The following FZD3 variants were observed in gnomAD, a reference collection of about 807,000 sequenced individuals.
The protein encoded by FZD3 is frizzled-3.
Under a neutral mutation model 60.7 loss-of-function variants are expected in FZD3, and 30 were observed. The observed-to-expected ratio is 0.49, with a 90% CI of 0.37 to 0.67. The LOEUF (loss-of-function observed/expected upper bound fraction) is 0.67, where lower values mean the gene tolerates loss of function less well. Among genes scored for constraint, FZD3 ranks in the 30% least tolerant of loss-of-function variants. FZD3 has a pLI of 0.00. For missense variants in FZD3, 605 were observed against 838.7 expected, an observed-to-expected ratio of 0.72 and a Z score of 3.44; for synonymous variants, 246 against 275.2, an observed-to-expected ratio of 0.89 and a Z score of 1.05.
At chr8:28,559,171 G>A (rs1400039395) in intron 7 of FZD3, among the ~76,000 whole-genome samples, 3 of 152,316 alleles carry the variant, frequency 2.0e-5, no homozygotes, top group East Asian at 3.9e-4. Context: ...CATCTGAATA[G>A]AGCTGTAGCT....
At chr8:28,519,795 T>C (rs1001316106) in intron 3 of FZD3, among the ~76,000 whole-genome samples, 6 of 151,182 alleles carry the variant, frequency 4.0e-5, no homozygotes, top group African/African-American at 1.5e-4. Context: ...CCGCCCTCAA[T>C]GCCTAAATTA....
chr8:28,533,960 T>TA (rs5890423), intron 5 of FZD3, among the ~76,000 whole-genome samples: 80,759 of 151,942 alleles, frequency 0.53, 21,996 homozygotes, highest in South Asian at 0.63. Flanking sequence ...TCAAAAAAGA[T>TA]AAAGTACTAT....
intron 1 of FZD3, among the ~76,000 whole-genome samples, chr8:28,498,619 C>T (rs1803908499): frequency 6.6e-6 from 1 of 152,172 alleles, no homozygotes; most frequent in African/African-American, 2.4e-5. Context: ...CACTCTGTCA[C>T]CCAGGCTGGA....
Position 28,571,603 on chromosome 8 carries a change from C to G in FZD3, c.*8592C>G, listed in dbSNP as rs894366597. On this transcript the variant is annotated 3_prime_UTR_variant, in exon 8 of 8. Transcript: ENST00000240093. Reference sequence around the variant, plus strand: ...ATAATATTTAACTTCCCTAGAATCACCCCATTTCATGTCTTTAACCCCAAC... The same window carrying G: ...ATAATATTTAACTTCCCTAGAATCAGCCCATTTCATGTCTTTAACCCCAAC... 7.9e-5 allele frequency: 12 copies of G among 152,160 alleles called. No individual in the cohort carries two copies. The highest frequency in any genetic ancestry group is 1.6e-4 in the Non-Finnish European group (11 of 68,022). The allele number at this position is 152,160 out of a possible 1,614,324, so 9.4% of individuals were successfully genotyped here. A position where few individuals can be genotyped will look rare whatever the true frequency, so the allele number is the denominator to read the frequency against.
rs191814761 is a variant in FZD3 at position 28,572,059 on chromosome 8, T to A, written c.*9048T>A. 9.8e-5 allele frequency: 15 copies of A among 152,292 alleles called. No homozygotes were observed. The highest frequency in any genetic ancestry group is 1.8e-4 in the Non-Finnish European group (12 of 68,010). 9.4% of individuals were successfully genotyped at this position (152,292 alleles called of 1,614,324 possible). On this transcript the variant is annotated 3_prime_UTR_variant, in exon 8 of 8. Transcript: ENST00000240093. The stretch of plus-strand genomic sequence containing the variant: ...TGTGAGGTGTTTTTTGAGGCTTTTT[T>A]GTTTTATCTTGTTTTCTTAACTTTT...
At position 28,570,050 on chromosome 8, in the gene FZD3, CATAA is replaced by C. The variant is rs1464738409; in HGVS notation, c.*7043_*7046del. The C allele has an allele frequency of 1.3e-5, 2 of 152,212 alleles. No homozygotes were observed. The highest frequency in any genetic ancestry group is 2.9e-5 in the Non-Finnish European group (2 of 68,034). The allele number at this position is 152,212 out of a possible 1,614,324, so 9.4% of individuals were successfully genotyped here. On this transcript the variant is annotated 3_prime_UTR_variant, in exon 8 of 8. Coordinates refer to ENST00000240093, the MANE Select transcript of FZD3 (RefSeq NM_017412.4). ...TTAAACTGCATTCTTAGGTTTATTA[CATAA>C]ATATAGTTGCCAGATTGCCATGGGC...
intron 4 of FZD3, among the ~76,000 whole-genome samples, chr8:28,522,534 A>G (rs1423655978): frequency 2.0e-5 from 3 of 152,120 alleles, no homozygotes. Flanking sequence ...GAAGTCTGTA[A>G]ATTGGTATAA....
At chr8:28,559,284 A>G (rs1805571987) in intron 7 of FZD3, among the ~76,000 whole-genome samples, 2 of 152,206 alleles carry the variant, frequency 1.3e-5, no homozygotes, top group African/African-American at 4.8e-5. Context: ...CAGGCCAAAA[A>G]CAAGACCTTG....
At position 28,573,505 on chromosome 8, in the gene FZD3, T is replaced by G. The variant is rs1419075835; in HGVS notation, c.*10494T>G. 1 of 151,674 alleles carries G rather than the reference T, an allele frequency of 6.6e-6. No individual in the cohort carries two copies. Among genetic ancestry groups the G allele is most frequent in the Non-Finnish European group, 1.5e-5 (1 of 67,932 alleles). 9.4% of individuals were successfully genotyped at this position (151,674 alleles called of 1,614,324 possible). ...AACTACTGTATATTTTCAATGACCT[T>G]GAGAAAGGGAGCTAGTCATTTGTAT... On this transcript the variant is annotated 3_prime_UTR_variant, in exon 8 of 8. Coordinates refer to ENST00000240093, the MANE Select transcript of FZD3 (RefSeq NM_017412.4).
intron 3 of FZD3, among the ~76,000 whole-genome samples, chr8:28,517,009 T>C (rs1235035193): frequency 2.0e-5 from 3 of 152,230 alleles, no homozygotes; most frequent in African/African-American, 7.2e-5. Flanking sequence ...ATTATTTTTG[T>C]TGGCACAGAG....
chr8:28,532,054 A>T (rs1310187217), intron 5 of FZD3, among the ~76,000 whole-genome samples: 2 of 152,182 alleles, frequency 1.3e-5, no homozygotes, highest in Non-Finnish European at 2.9e-5. Flanking sequence ...ATTTTTCCAT[A>T]TGGATAAGAC....
intron 3 of FZD3, among the ~76,000 whole-genome samples, chr8:28,506,559 C>T (rs1804146151): frequency 6.6e-6 from 1 of 152,104 alleles, no homozygotes. Context: ...TGCCCCTCCC[C>T]ACCCCATATA....
At chr8:28,499,889 TTACA>T (rs1233475305) in intron 1 of FZD3, 40 bp from the exon 2 acceptor site, 1 of 152,224 alleles carries the variant, frequency 6.6e-6, no homozygotes, top group African/African-American at 2.4e-5. Context: ...CTGTATATAA[TTACA>T]TAAACAATAC....
At chr8:28,537,855 G>T (rs979276354) in intron 5 of FZD3, among the ~76,000 whole-genome samples, 8 of 152,048 alleles carry the variant, frequency 5.3e-5, no homozygotes, top group Non-Finnish European at 8.8e-5. Context: ...GGTGGCTCAC[G>T]CCTGCGATCC....
rs1805683822 is a variant in FZD3, at chr8:28,565,074, C to G, written c.*2063C>G. The G allele has an allele frequency of 7.1e-6, 1 of 140,462 alleles. No homozygotes were observed. Among genetic ancestry groups the G allele is most frequent in the Non-Finnish European group, 1.6e-5 (1 of 63,804 alleles). 8.7% of individuals were successfully genotyped at this position (140,462 alleles called of 1,614,324 possible). A position where few individuals can be genotyped will look rare whatever the true frequency, so the allele number is the denominator to read the frequency against. On this transcript the variant is annotated 3_prime_UTR_variant, in exon 8 of 8. Transcript: ENST00000240093. Reference sequence around the variant, plus strand: ...TTTCTTTCTTACCCTTTAAAACAAACTGCCAAGAAATTAGGTGTTGAAAAA... The same window carrying G: ...TTTCTTTCTTACCCTTTAAAACAAAGTGCCAAGAAATTAGGTGTTGAAAAA...
chr8:28,559,277 G>A (rs1805571884), intron 7 of FZD3, among the ~76,000 whole-genome samples: 1 of 152,126 alleles, frequency 6.6e-6, no homozygotes, highest in South Asian at 2.1e-4. Flanking sequence ...AGAACAACAG[G>A]CCAAAAACAA....
chr8:28,549,617 A>C (rs1241857250), intron 5 of FZD3, among the ~76,000 whole-genome samples: 1 of 152,144 alleles, frequency 6.6e-6, no homozygotes, highest in African/African-American at 2.4e-5. Flanking sequence ...GAGTGGTGGC[A>C]GTAGATACTT....
intron 3 of FZD3, among the ~76,000 whole-genome samples, chr8:28,503,891 T>G (rs938789811): frequency 2.0e-5 from 3 of 152,204 alleles, no homozygotes; most frequent in African/African-American, 7.2e-5. Flanking sequence ...TTTCTTTGCT[T>G]GTAACTTAGA....
At position 28,527,040 on chromosome 8, in the gene FZD3, C is replaced by G. The variant is rs1236640347; in HGVS notation, c.387-107C>G. Reference sequence around the variant, plus strand: ...TATTTCTACATATTACATTTGCTCTCCAGGAATAAATAAGGTTGTGAGTGC... The same window carrying G: ...TATTTCTACATATTACATTTGCTCTGCAGGAATAAATAAGGTTGTGAGTGC... On this transcript the variant is annotated intron_variant, in intron 4 of 7. Coordinates refer to ENST00000240093, the MANE Select transcript of FZD3 (RefSeq NM_017412.4). This position sits in a 1 kb window ranked among gnomAD's most constrained non-coding sequence, Gnocchi z 5.0. The G allele has an allele frequency of 2.2e-6, 2 of 891,366 alleles. No homozygotes were observed. The highest frequency in any genetic ancestry group is 3.3e-5 in the African/African-American group (2 of 59,936). The allele number at this position is 891,366 out of a possible 1,614,324, so 55.2% of individuals were successfully genotyped here. A position where few individuals can be genotyped will look rare whatever the true frequency, so the allele number is the denominator to read the frequency against.
Sources: gnomAD v4.1 joint callset for allele counts (sites outside exome capture counted in the v4.1 genomes callset) on GRCh38, gnomAD v4.1.1 for gene constraint, Gnocchi (gnomAD v3.1) non-coding constraint, MANE v1.5 for transcripts, NCBI Gene and HGNC (gene_info 2026-07-23, HGNC 2026-07-21) for gene names.